AFAP1: variants seen among roughly 807,000 people sequenced by gnomAD.
The protein encoded by AFAP1 is actin filament associated protein 1, also known as actin filament-associated protein 1.
AFAP1 carries 75 observed loss-of-function variants against 93.9 expected under a neutral mutation model. The observed-to-expected ratio is 0.80, with a 90% CI of 0.66 to 0.97. The LOEUF is 0.97. AFAP1 is among the 50% of genes least tolerant of loss of function. The pLI, the probability that AFAP1 is intolerant of heterozygous loss-of-function variation, is 0.00. For missense variants in AFAP1, 1,201 were observed against 1,050.8 expected, an observed-to-expected ratio of 1.14 and a Z score of -1.98; for synonymous variants, 517 against 430.7, an observed-to-expected ratio of 1.20 and a Z score of -2.48.
intron 10 of AFAP1, among the ~76,000 whole-genome samples, chr4:7,795,081 A>T (rs1039827954): frequency 6.6e-5 from 10 of 152,340 alleles, no homozygotes; most frequent in African/African-American, 2.4e-4. Context: ...CAAGTTTAAC[A>T]CTGATCATAA....
chr4:7,795,315 A>C (rs1375735405), intron 10 of AFAP1, among the ~76,000 whole-genome samples: 1 of 151,946 alleles, frequency 6.6e-6, no homozygotes, highest in African/African-American at 2.4e-5. Context: ...TTGCCAAATT[A>C]AAATGAACTG....
intron 3 of AFAP1, among the ~76,000 whole-genome samples, chr4:7,857,686 A>G (rs1193601194): frequency 6.6e-6 from 1 of 152,230 alleles, no homozygotes; most frequent in Non-Finnish European, 1.5e-5. Context: ...CAGCTGCTTG[A>G]TTCACTGAGT....
At chr4:7,872,977 CGGT>C (rs1717185292) in intron 1 of AFAP1, among the ~76,000 whole-genome samples, 1 of 143,600 alleles carries the variant, frequency 7.0e-6, no homozygotes, top group Non-Finnish European at 1.5e-5. Context: ...GGGCTGGGCG[CGGT>C]GGCTCACGTC....
intron 9 of AFAP1, among the ~76,000 whole-genome samples, chr4:7,804,077 G>T (rs187839657): frequency 1.3e-5 from 2 of 152,172 alleles, no homozygotes; most frequent in African/African-American, 4.8e-5. Flanking sequence ...TAGAGTCAGG[G>T]GGTCCTCTGG....
At chr4:7,827,354 C>T (rs528246454) in intron 6 of AFAP1, among the ~76,000 whole-genome samples, 18 of 151,856 alleles carry the variant, frequency 1.2e-4, no homozygotes, top group African/African-American at 4.1e-4. Context: ...GGCGGATCAC[C>T]TGAGGTCAGG....
At chr4:7,902,399 G>A (rs768834010) in intron 1 of AFAP1, among the ~76,000 whole-genome samples, 2 of 152,150 alleles carry the variant, frequency 1.3e-5, no homozygotes, top group Admixed American at 6.5e-5. Context: ...GTAATTATCA[G>A]CCCACAATGG....
chr4:7,799,120 TGA>T, intron 10 of AFAP1: 1 of 982,108 alleles, frequency 1.0e-6, no homozygotes, highest in Non-Finnish European at 1.2e-6. Flanking sequence ...GTAAAGAAGC[TGA>T]GAGAGAACAA....
At chr4:7,775,159 C>T in intron 14 of AFAP1, 2 of 414,748 alleles carry the variant, frequency 4.8e-6, no homozygotes, top group Non-Finnish European at 4.3e-6. Context: ...TAGGTTTATT[C>T]AAGCAGATAA....
intron 1 of AFAP1, among the ~76,000 whole-genome samples, chr4:7,919,634 T>G (rs1720324641): frequency 6.6e-6 from 1 of 151,160 alleles, no homozygotes; most frequent in African/African-American, 2.4e-5. Flanking sequence ...TAGTCTTTTA[T>G]TTTTTTTTAA....
chr4:7,929,287 G>T (rs1333151104), intron 1 of AFAP1, among the ~76,000 whole-genome samples: 1 of 152,124 alleles, frequency 6.6e-6, no homozygotes, highest in Non-Finnish European at 1.5e-5. Context: ...GGACACACAG[G>T]CTCTTCTTTT....
chr4:7,936,766 GGA>G (rs1721412512), intron 1 of AFAP1, among the ~76,000 whole-genome samples: 1 of 151,884 alleles, frequency 6.6e-6, no homozygotes, highest in African/African-American at 2.4e-5. Context: ...TATTTTTAGT[GGA>G]GATAGGGTTT....
intron 6 of AFAP1, among the ~76,000 whole-genome samples, chr4:7,832,054 T>C (rs112594954): frequency 3.0e-4 from 45 of 152,174 alleles, no homozygotes; most frequent in African/African-American, 9.9e-4. Flanking sequence ...ACTCAGGCTG[T>C]CAGCTGACAA....
intron 9 of AFAP1, among the ~76,000 whole-genome samples, chr4:7,807,203 A>AAAAAAC (rs10665624): frequency 0.16 from 24,147 of 152,068 alleles, 1,954 homozygotes; most frequent in African/African-American, 0.2. Context: ...CTGGAGCATT[A>AAAAAAC]AAAAACAAAA....
intron 2 of AFAP1, among the ~76,000 whole-genome samples, chr4:7,871,287 C>T (rs937711426): frequency 6.6e-6 from 1 of 152,184 alleles, no homozygotes; most frequent in African/African-American, 2.4e-5. Flanking sequence ...GAAGTGATCC[C>T]ACCATTCCCT....
chr4:7,805,615 G>A (rs934809004), intron 9 of AFAP1, among the ~76,000 whole-genome samples: 3 of 152,150 alleles, frequency 2.0e-5, no homozygotes, highest in South Asian at 2.1e-4. Flanking sequence ...TTGAAGTATT[G>A]AGCCATTTCC....
At chr4:7,866,060 C>G (rs1161522299) in intron 3 of AFAP1, among the ~76,000 whole-genome samples, 3 of 151,900 alleles carry the variant, frequency 2.0e-5, no homozygotes, top group Admixed American at 1.3e-4. Flanking sequence ...CCATGCCCAG[C>G]CAATTTTTTA....
intron 3 of AFAP1, among the ~76,000 whole-genome samples, chr4:7,858,480 G>C (rs1715321569): frequency 6.6e-6 from 1 of 152,132 alleles, no homozygotes; most frequent in Non-Finnish European, 1.5e-5. Context: ...TCAAACAGGA[G>C]AAGGGCCGAA....
chr4:7,768,157 C>A (rs547701145), intron 17 of AFAP1, among the ~76,000 whole-genome samples: 1 of 152,356 alleles, frequency 6.6e-6, no homozygotes, highest in East Asian at 1.9e-4. Context: ...CCCCTCGGGG[C>A]GGGGCCGGCC....
chr4:7,801,535 C>A (rs1299656118), intron 9 of AFAP1, among the ~76,000 whole-genome samples: 3 of 151,978 alleles, frequency 2.0e-5, no homozygotes, highest in Non-Finnish European at 4.4e-5. Context: ...AAAATAGATA[C>A]CAGGGTGGCT....
Sources: allele counts gnomAD v4.1 joint callset (sites outside exome capture counted in the v4.1 genomes callset), GRCh38; gene constraint gnomAD v4.1.1; transcripts MANE v1.5; gene names NCBI Gene and HGNC (gene_info 2026-07-23, HGNC 2026-07-21).